The following CCDC91 variants were observed in gnomAD, a reference collection of about 807,000 sequenced individuals.
CCDC91 encodes coiled-coil domain-containing protein 91.
CCDC91 carries 48 observed loss-of-function variants against 63.2 expected under a neutral mutation model. The observed-to-expected ratio is 0.76, with a 90% CI of 0.60 to 0.97. The LOEUF is 0.97. Ranked by LOEUF, CCDC91 falls within the 50% of genes least tolerant of loss-of-function variation. The probability of loss-of-function intolerance (pLI) is 0.00; values close to 1 mark genes in which losing one functional copy is unlikely to be tolerated. For missense variants in CCDC91, 500 were observed against 494.6 expected (o/e 1.01, Z -0.10); for synonymous variants, 167 against 165.8 (o/e 1.01, Z -0.06).
intron 6 of CCDC91, among the ~76,000 whole-genome samples, chr12:28,314,736 A>G (rs1301128602): frequency 6.6e-6 from 1 of 152,026 alleles, no homozygotes; most frequent in Non-Finnish European, 1.5e-5. Context: ...AAATGAAACA[A>G]TAAGGATTTT....
In CCDC91 at chr12:28,380,774, T is replaced by C. The variant is rs527911447; in HGVS notation, c.655-10530T>C. ...TTTAACAATATCAATCAATATAATG[T>C]CAATTATTTAGTTTTTAGTCTTTCA... On this transcript the variant is annotated intron_variant, in intron 7 of 12. Coordinates refer to ENST00000536442, the MANE Select transcript of CCDC91 (RefSeq NM_018318.5). Among the ~76,000 whole-genome samples the C allele has an allele frequency of 2.6e-5, 4 of 152,256 alleles. No individual in the cohort carries two copies. In the East Asian group the frequency reaches 7.7e-4, roughly 29 times the overall value.
rs7314111 is a variant in CCDC91 at position 28,459,024 on chromosome 12, T to C, written c.1101+6370T>C. 2.6e-3 allele frequency among the ~76,000 whole-genome samples: 393 copies of C among 152,272 alleles called. 1 individual carries two copies. The highest frequency in any genetic ancestry group is 9.3e-3 in the African/African-American group (385 of 41,552). ...ATCTTTCATTGACCTGGTCTTTACC[T>C]GTCTAGCTCGTCTGCTGCTGCTCTG... On this transcript the variant is annotated intron_variant, in intron 11 of 12. Transcript: ENST00000536442.
intron 8 of CCDC91, among the ~76,000 whole-genome samples, chr12:28,424,063 G>C (rs1378445108): frequency 6.6e-6 from 1 of 152,044 alleles, no homozygotes; most frequent in Admixed American, 6.6e-5. Flanking sequence ...AAGTAGCTGG[G>C]ACTACTGGCT....
At chr12:28,347,108 T>C (rs1406793812) in intron 6 of CCDC91, among the ~76,000 whole-genome samples, 1 of 152,202 alleles carries the variant, frequency 6.6e-6, no homozygotes, top group Non-Finnish European at 1.5e-5. Context: ...ATATACATAA[T>C]TATTAATAAT....
chr12:28,499,229 G>T (rs1036850119), intron 12 of CCDC91, among the ~76,000 whole-genome samples: 1 of 151,540 alleles, frequency 6.6e-6, no homozygotes, highest in Admixed American at 6.6e-5. Flanking sequence ...ATTCACAAAC[G>T]TAAAACCACC....
intron 8 of CCDC91, among the ~76,000 whole-genome samples, chr12:28,417,622 T>G (rs1167324415): frequency 5.6e-5 from 6 of 107,876 alleles, no homozygotes; most frequent in Non-Finnish European, 8.6e-5. Context: ...ACCTTTGAGA[T>G]ATATATATAT....
chr12:28,216,429 C>T (rs1943564362), intron 1 of CCDC91, among the ~76,000 whole-genome samples: 1 of 151,744 alleles, frequency 6.6e-6, no homozygotes, highest in African/African-American at 2.4e-5. Flanking sequence ...ATATATAGTG[C>T]CTCAAAAATA....
At chr12:28,339,238 A>C (rs1161860406) in intron 6 of CCDC91, among the ~76,000 whole-genome samples, 1 of 152,208 alleles carries the variant, frequency 6.6e-6, no homozygotes, top group Non-Finnish European at 1.5e-5. Context: ...CTTTGGTCTG[A>C]AGAGCCTGAA....
chr12:28,191,117 A>G (rs1415403884), intron 1 of CCDC91: 1 of 152,250 alleles, frequency 6.6e-6, no homozygotes, highest in African/African-American at 2.4e-5. Flanking sequence ...ATGTTGCAAT[A>G]AAAGTGGCAT....
intron 6 of CCDC91, among the ~76,000 whole-genome samples, chr12:28,350,740 A>G (rs1261649693): frequency 2.6e-5 from 4 of 152,148 alleles, no homozygotes; most frequent in Non-Finnish European, 5.9e-5. Flanking sequence ...GTTCTCCTCC[A>G]GTTTCTCATG....
At chr12:28,351,568 C>A (rs181532961) in intron 6 of CCDC91, among the ~76,000 whole-genome samples, 2 of 152,152 alleles carry the variant, frequency 1.3e-5, no homozygotes, top group African/African-American at 4.8e-5. Flanking sequence ...AGTTCTGTTG[C>A]CATCTGTGCC....
intron 1 of CCDC91, among the ~76,000 whole-genome samples, chr12:28,227,079 G>A (rs926657958): frequency 1.3e-5 from 2 of 152,046 alleles, no homozygotes; most frequent in African/African-American, 4.8e-5. Flanking sequence ...TTGTATCAAG[G>A]GTACTTACTA....
intron 1 of CCDC91, among the ~76,000 whole-genome samples, chr12:28,247,840 C>T (rs951368117): frequency 1.2e-4 from 19 of 152,236 alleles, no homozygotes; most frequent in African/African-American, 4.3e-4. Context: ...TGTTCCACCT[C>T]GGATCATCAG....
chr12:28,253,513 T>G (rs183694889), intron 1 of CCDC91, among the ~76,000 whole-genome samples: 20 of 152,332 alleles, frequency 1.3e-4, no homozygotes, highest in Admixed American at 1.2e-3. Flanking sequence ...CTATGACTCT[T>G]AATTTTGAGT....
chr12:28,415,443 C>G (rs1192085726), intron 8 of CCDC91, among the ~76,000 whole-genome samples: 1 of 152,080 alleles, frequency 6.6e-6, no homozygotes, highest in Non-Finnish European at 1.5e-5. Flanking sequence ...TGGTCTCGAA[C>G]TCCTGACCTC....
At chr12:28,229,589 A>AT (rs1944468308) in intron 1 of CCDC91, among the ~76,000 whole-genome samples, 1 of 152,156 alleles carries the variant, frequency 6.6e-6, no homozygotes, top group Non-Finnish European at 1.5e-5. Flanking sequence ...ATGGGACTGA[A>AT]CTTTTGCATG....
At chr12:28,270,040 A>T (rs2136357761) in intron 3 of CCDC91, among the ~76,000 whole-genome samples, 1 of 152,132 alleles carries the variant, frequency 6.6e-6, no homozygotes, top group Admixed American at 6.6e-5. Context: ...TTTAATTAAT[A>T]AAAATGTTTA....
At chr12:28,404,965 TTAGACCATTGACATTTACAA>T (rs1163844223) in intron 8 of CCDC91, among the ~76,000 whole-genome samples, 5 of 152,104 alleles carry the variant, frequency 3.3e-5, no homozygotes, top group African/African-American at 7.2e-5. Flanking sequence ...ATTGGTGTTT[TTAGACCATTGACATTTACAA>T]TAGACCATTG....
chr12:28,252,456 TC>T (rs1176630239), intron 1 of CCDC91, among the ~76,000 whole-genome samples: 2 of 151,964 alleles, frequency 1.3e-5, no homozygotes, highest in African/African-American at 2.4e-5. Context: ...TACTCTGACT[TC>T]CCATTTTTTT....
Sources: allele counts gnomAD v4.1 joint callset (sites outside exome capture counted in the v4.1 genomes callset), GRCh38; gene constraint gnomAD v4.1.1; transcripts MANE v1.5; gene names NCBI Gene and HGNC (gene_info 2026-07-23, HGNC 2026-07-21).